MACROD2: variants seen among roughly 807,000 people sequenced by gnomAD.
MACROD2 encodes mono-ADP ribosylhydrolase 2.
In MACROD2, 36 loss-of-function variants were observed where a neutral mutation model predicts 70.4. The ratio of observed to expected loss-of-function variants is 0.51; its 90% CI spans 0.39 to 0.68. The LOEUF (loss-of-function observed/expected upper bound fraction) is 0.68, where lower values mean the gene tolerates loss of function less well. MACROD2 is among the 30% of genes least tolerant of loss of function. The pLI is 0.00. For synonymous variants in MACROD2, 172 were observed against 178.8 expected, an observed-to-expected ratio of 0.96 and a Z score of 0.30; for missense variants, 496 against 538.4, an observed-to-expected ratio of 0.92 and a Z score of 0.78.
At chr20:15,248,875 C>T (rs1244205989) in intron 6 of MACROD2, among the ~76,000 whole-genome samples, 1 of 152,188 alleles carries the variant, frequency 6.6e-6, no homozygotes, top group African/African-American at 2.4e-5. Context: ...TTTCTGTTCT[C>T]TCTGAAGCAA....
intron 4 of MACROD2, among the ~76,000 whole-genome samples, chr20:14,561,361 A>G (rs1161277483): frequency 2.0e-5 from 3 of 151,774 alleles, no homozygotes. Flanking sequence ...TTCCCTTAAG[A>G]TTATGGAGTA....
chr20:15,937,658 G>T, intron 12 of MACROD2, 114 bp downstream of exon 12: 1 of 902,380 alleles, frequency 1.1e-6, no homozygotes, highest in Admixed American at 1.9e-5. Flanking sequence ...TTTCTTAAGT[G>T]TCTCTGTTTC....
At chr20:14,988,222 G>A (rs953778062) in intron 5 of MACROD2, among the ~76,000 whole-genome samples, 1 of 151,854 alleles carries the variant, frequency 6.6e-6, no homozygotes, top group South Asian at 2.1e-4. Context: ...AAACTAGCAG[G>A]GCGAGGTGGC....
At chr20:15,834,738 A>G (rs1343414099) in intron 8 of MACROD2, among the ~76,000 whole-genome samples, 2 of 152,194 alleles carry the variant, frequency 1.3e-5, no homozygotes, top group African/African-American at 4.8e-5. Context: ...TTTTTTGCTT[A>G]AACATTTTGT....
At chr20:15,714,914 C>G (rs1380454189) in intron 8 of MACROD2, among the ~76,000 whole-genome samples, 3 of 151,856 alleles carry the variant, frequency 2.0e-5, no homozygotes, top group East Asian at 3.9e-4. Flanking sequence ...TTAAAGTTCC[C>G]CAGTTTTTTC....
intron 3 of MACROD2, among the ~76,000 whole-genome samples, chr20:14,187,530 A>G (rs1197226557): frequency 2.0e-5 from 3 of 152,212 alleles, no homozygotes; most frequent in South Asian, 2.1e-4. Context: ...ATATCAGACT[A>G]TCATGAAGTA....
intron 3 of MACROD2, among the ~76,000 whole-genome samples, chr20:14,202,578 A>T (rs2081488034): frequency 6.6e-6 from 1 of 152,180 alleles, no homozygotes; most frequent in Admixed American, 6.5e-5. Context: ...TTTATTGTTC[A>T]AAAGAGCACA....
chr20:14,199,242 A>G (rs550634558), intron 3 of MACROD2, among the ~76,000 whole-genome samples: 12 of 152,328 alleles, frequency 7.9e-5, no homozygotes, highest in African/African-American at 2.9e-4. Context: ...ACTAAAATGG[A>G]CATTGTCTTT....
chr20:14,972,785 C>G (rs1042925183), intron 5 of MACROD2, among the ~76,000 whole-genome samples: 4 of 152,106 alleles, frequency 2.6e-5, no homozygotes, highest in African/African-American at 9.7e-5. Flanking sequence ...ATTCTGGAAG[C>G]ATAGATGCTT....
chr20:15,697,293 A>G (rs1600773353), intron 8 of MACROD2, among the ~76,000 whole-genome samples: 1 of 152,152 alleles, frequency 6.6e-6, no homozygotes, highest in Non-Finnish European at 1.5e-5. Flanking sequence ...TAATTTCCAT[A>G]TTGATTTCAT....
intron 5 of MACROD2, among the ~76,000 whole-genome samples, chr20:14,938,962 T>TA (rs1390294491): frequency 1.4e-5 from 2 of 146,936 alleles, no homozygotes; most frequent in Admixed American, 6.8e-5. Flanking sequence ...TTTTTTTTTT[T>TA]ACTATTGAGT....
At chr20:15,935,842 A>C (rs144838253) in intron 11 of MACROD2, among the ~76,000 whole-genome samples, 264 of 152,312 alleles carry the variant, frequency 1.7e-3, no homozygotes, top group Non-Finnish European at 2.5e-3. Context: ...AATAGTGATA[A>C]ATGCTTTGCT....
chr20:14,814,729 G>A (rs144840041), intron 5 of MACROD2, among the ~76,000 whole-genome samples: 101 of 152,004 alleles, frequency 6.6e-4, no homozygotes, highest in African/African-American at 2.1e-3. Context: ...AAATGACAAA[G>A]TTATTGTCAT....
At chr20:14,934,588 A>C (rs1041354388) in intron 5 of MACROD2, among the ~76,000 whole-genome samples, 4 of 152,134 alleles carry the variant, frequency 2.6e-5, no homozygotes, top group African/African-American at 9.7e-5. Context: ...GGAGTTCGAG[A>C]CCAGCCTGGC....
At chr20:14,443,786 A>T (rs2084153283) in intron 3 of MACROD2, among the ~76,000 whole-genome samples, 2 of 152,216 alleles carry the variant, frequency 1.3e-5, no homozygotes, top group South Asian at 2.1e-4. Context: ...TAAATTGGGC[A>T]AATTACTCAA....
intron 5 of MACROD2, among the ~76,000 whole-genome samples, chr20:15,122,111 A>C (rs1332178128): frequency 6.6e-6 from 1 of 152,226 alleles, no homozygotes; most frequent in African/African-American, 2.4e-5. Context: ...TGCTAAAACA[A>C]ACAAAATGAT....
At chr20:15,531,569 A>G (rs1039720812) in intron 8 of MACROD2, among the ~76,000 whole-genome samples, 1 of 152,142 alleles carries the variant, frequency 6.6e-6, no homozygotes, top group Non-Finnish European at 1.5e-5. Flanking sequence ...ACACACTTTT[A>G]TTTCTGTACC....
Position 15,177,679 on chromosome 20 carries a change from C to T in MACROD2, c.419-52261C>T, listed in dbSNP as rs189722240. ...TTGCTGGTAAATAAGTAAATAAATG[C>T]ACCTGTACAATTTACTTCCTTTTCT... On this transcript the variant is annotated intron_variant, in intron 5 of 17. Transcript: ENST00000684519. Among the ~76,000 whole-genome samples, 186 of 152,278 alleles carry T rather than the reference C, an allele frequency of 1.2e-3. 2 individuals carry two copies. Among genetic ancestry groups the T allele is most frequent in the African/African-American group, 4.3e-3 (179 of 41,554 alleles).
chr20:15,336,371 A>G, intron 6 of MACROD2, among the ~76,000 whole-genome samples: 1 of 134,786 alleles, frequency 7.4e-6, no homozygotes, highest in Non-Finnish European at 1.6e-5. Flanking sequence ...TGTGTGTTTT[A>G]ACCAAAAAAA....
Sources: allele counts gnomAD v4.1 joint callset (sites outside exome capture counted in the v4.1 genomes callset), GRCh38; gene constraint gnomAD v4.1.1; transcripts MANE v1.5; gene names NCBI Gene and HGNC (gene_info 2026-07-23, HGNC 2026-07-21).